Variants in RYR2 observed in about 807,000 individuals in gnomAD.
RYR2 encodes cardiac muscle ryanodine receptor-calcium release channel.
Under a neutral mutation model 601.1 loss-of-function variants are expected in RYR2, and 227 were observed. The ratio of observed to expected loss-of-function variants is 0.38; its 90% CI spans 0.34 to 0.42. The LOEUF (loss-of-function observed/expected upper bound fraction) is 0.42, where lower values mean the gene tolerates loss of function less well. Among genes scored for constraint, RYR2 ranks in the 10% least tolerant of loss-of-function variants. The pLI is 1.00. For synonymous variants in RYR2, 2,223 were observed against 2,175.1 expected (o/e 1.02, Z -0.61); for missense variants, 4,646 against 6,156.5 (o/e 0.75, Z 8.21).
intron 13 of RYR2, among the ~76,000 whole-genome samples, chr1:237,443,150 G>T (rs1708057888): frequency 6.6e-6 from 1 of 151,890 alleles, no homozygotes; most frequent in African/African-American, 2.4e-5. Context: ...TTTCTTTGGT[G>T]CTGTTCTGTT....
intron 8 of RYR2, among the ~76,000 whole-genome samples, chr1:237,382,920 T>G (rs909420239): frequency 1.3e-5 from 2 of 151,628 alleles, no homozygotes; most frequent in African/African-American, 2.4e-5. Flanking sequence ...TTTTGTTTTT[T>G]TTTTTTCAGA....
At chr1:237,194,011 T>A (rs1558402987) in intron 1 of RYR2, among the ~76,000 whole-genome samples, 1 of 152,236 alleles carries the variant, frequency 6.6e-6, no homozygotes, top group Non-Finnish European at 1.5e-5. Flanking sequence ...AACAGAATCC[T>A]TTTGATGTCT....
intron 25 of RYR2, among the ~76,000 whole-genome samples, chr1:237,537,149 C>G (rs1668727053): frequency 6.6e-6 from 1 of 152,104 alleles, no homozygotes. Flanking sequence ...TCAATTTAGC[C>G]TAATCTTATA....
chr1:237,107,984 C>A (rs967685762), intron 1 of RYR2, among the ~76,000 whole-genome samples: 32 of 152,176 alleles, frequency 2.1e-4, no homozygotes, highest in Admixed American at 1.7e-3. Context: ...AGGTTCCGGT[C>A]CTGAGCTCAC....
intron 80 of RYR2, among the ~76,000 whole-genome samples, chr1:237,754,143 T>C (rs1692752808): frequency 7.1e-6 from 1 of 140,318 alleles, no homozygotes; most frequent in African/African-American, 3.0e-5. Context: ...AGTATGTCTT[T>C]TTGGCTCAAT....
chr1:237,238,461 A>G (rs1685819383), intron 1 of RYR2, among the ~76,000 whole-genome samples: 1 of 152,186 alleles, frequency 6.6e-6, no homozygotes, highest in African/African-American at 2.4e-5. Context: ...ACTACCTTGA[A>G]CACATGTTCT....
At chr1:237,136,102 G>A (rs1672745995) in intron 1 of RYR2, among the ~76,000 whole-genome samples, 1 of 152,254 alleles carries the variant, frequency 6.6e-6, no homozygotes, top group South Asian at 2.1e-4. Flanking sequence ...TAACTTGAGT[G>A]TCCATGACAA....
rs1460245927 is a variant in RYR2, at chr1:237,666,538, C to T, written c.8463C>T (p.Tyr2821=). Residue 2821 remains tyrosine (Y), a synonymous_variant, in exon 57 of 105, where the codon TAC becomes TAT. Coordinates refer to ENST00000366574, the MANE Select transcript of RYR2 (RefSeq NM_001035.3). ...TTTCTGTGGACGCTGCCCATGGTTACAGTCCCCGGGCCATTGACATGAGCA... is the reference window on the plus strand; with the variant it reads ...TTTCTGTGGACGCTGCCCATGGTTATAGTCCCCGGGCCATTGACATGAGCA... ...SQVSVDAAHG[Y]SPRAIDMSNV... is the part of the protein sequence containing the mutation. 3 of 1,612,254 alleles carry T rather than the reference C, an allele frequency of 1.9e-6. No homozygotes were observed. In the African/African-American group the frequency reaches 4.0e-5, roughly 22 times the overall value.
intron 10 of RYR2, among the ~76,000 whole-genome samples, chr1:237,412,048 G>A (rs1248580732): frequency 1.3e-5 from 2 of 152,048 alleles, no homozygotes; most frequent in Non-Finnish European, 1.5e-5. Context: ...GTAAGGATTT[G>A]TGCTTTTATT....
At chr1:237,096,186 C>T (rs1328288225) in intron 1 of RYR2, among the ~76,000 whole-genome samples, 2 of 152,092 alleles carry the variant, frequency 1.3e-5, no homozygotes, top group Non-Finnish European at 2.9e-5. Flanking sequence ...AGAGGCCTGA[C>T]GTTAAGCAAT....
intron 21 of RYR2, among the ~76,000 whole-genome samples, chr1:237,502,417 A>G (rs2150486904): frequency 6.6e-6 from 1 of 152,316 alleles, no homozygotes; most frequent in South Asian, 2.1e-4. Context: ...CCTTTAAAGC[A>G]GCAGTCCCCA....
rs566850884 is a variant in RYR2, at chr1:237,607,483, G to A, written c.4684-3279G>A. On this transcript the variant is annotated intron_variant, in intron 35 of 104. Transcript: ENST00000366574. ...GAGATATACCTAATGTAAATGACGC[G>A]TTAATGGGTGCAGCACACCAACATG... 9.5e-4 allele frequency among the ~76,000 whole-genome samples: 144 copies of A among 152,210 alleles called. No homozygotes were observed. The South Asian group carries it at 0.011, about 12-fold the overall frequency.
In RYR2 at chr1:237,335,595, G is replaced by T. The variant is rs113523026; in HGVS notation, c.273+4613G>T. ...GTTGAGTGTCCTTTCTGTCTTTCGG[G>T]TGAATTATTTCTGGGGGGATTGTAG... On this transcript the variant is annotated intron_variant, in intron 3 of 104. Transcript: ENST00000366574. Among the ~76,000 whole-genome samples the T allele has an allele frequency of 4.6e-3, 693 of 152,252 alleles. 4 individuals carry two copies. Among genetic ancestry groups the T allele is most frequent in the African/African-American group, 0.016 (672 of 41,536 alleles).
intron 1 of RYR2, among the ~76,000 whole-genome samples, chr1:237,074,756 T>TG: frequency 6.6e-6 from 1 of 152,250 alleles, no homozygotes; most frequent in Admixed American, 6.5e-5. Context: ...CACTGAAGAC[T>TG]GGGGGAGGGC....
intron 1 of RYR2, among the ~76,000 whole-genome samples, chr1:237,252,230 A>C (rs1385123583): frequency 6.6e-6 from 1 of 151,502 alleles, no homozygotes; most frequent in Non-Finnish European, 1.5e-5. Context: ...TGGTCTCTGC[A>C]CTCATTTCCT....
rs770166679 is a variant in RYR2, at chr1:237,748,392, T to TGTTGATATTAACCA, written c.11145+6047_11145+6060dup. On this transcript the variant is annotated intron_variant, in intron 80 of 104. Coordinates refer to ENST00000366574, the MANE Select transcript of RYR2 (RefSeq NM_001035.3). Reference sequence around the variant, plus strand: ...AGAGTGTTAATTTCATCATACTTCCTGTTGATATTAACCAGTTCTTCCAGG... The same window carrying TGTTGATATTAACCA: ...AGAGTGTTAATTTCATCATACTTCCTGTTGATATTAACCAGTTGATATTAACCAGTTCTTCCAGG... 2.9e-3 allele frequency among the ~76,000 whole-genome samples: 443 copies of TGTTGATATTAACCA among 152,336 alleles called. 5 individuals are homozygous for TGTTGATATTAACCA. Among genetic ancestry groups the TGTTGATATTAACCA allele is most frequent in the Non-Finnish European group, 4.0e-3 (271 of 68,030 alleles).
chr1:237,709,406 G>C (rs1450880295), intron 69 of RYR2, 74 bp from the exon 70 acceptor site: 24 of 908,528 alleles, frequency 2.6e-5, no homozygotes, highest in Non-Finnish European at 3.7e-5. Context: ...TTTAACTTTG[G>C]GGGGATGGTT....
At chr1:237,733,573 T>G (rs1341404896) in intron 78 of RYR2, 132 bp from the exon 79 acceptor site, 1 of 687,328 alleles carries the variant, frequency 1.5e-6, no homozygotes, top group East Asian at 2.7e-5. Flanking sequence ...TTGTCTTAGT[T>G]TTGTGTTCAT....
At chr1:237,464,176 G>C (rs1659797834) in intron 16 of RYR2, among the ~76,000 whole-genome samples, 2 of 152,000 alleles carry the variant, frequency 1.3e-5, no homozygotes, top group African/African-American at 4.8e-5. Context: ...TGCTCATCTT[G>C]CTCCAAATTC....
Sources: allele counts gnomAD v4.1 joint callset (sites outside exome capture counted in the v4.1 genomes callset), GRCh38; gene constraint gnomAD v4.1.1; transcripts MANE v1.5; gene names NCBI Gene and HGNC (gene_info 2026-07-23, HGNC 2026-07-21).